SLC12A8: variants seen among roughly 807,000 people sequenced by gnomAD.
SLC12A8 encodes solute carrier family 12 member 8.
A neutral mutation model predicts 75.6 loss-of-function variants in SLC12A8; 69 were observed. That is an observed-to-expected ratio of 0.91 (90% CI 0.75 to 1.11). The LOEUF (loss-of-function observed/expected upper bound fraction) is 1.11, where lower values mean the gene tolerates loss of function less well. SLC12A8 is among the 50% of genes most tolerant of loss of function. The pLI, the probability that SLC12A8 is intolerant of heterozygous loss-of-function variation, is 0.00. For missense variants in SLC12A8, 877 were observed against 896.7 expected, an observed-to-expected ratio of 0.98 and a Z score of 0.28; for synonymous variants, 365 against 372.8, an observed-to-expected ratio of 0.98 and a Z score of 0.24.
rs959830350 is a variant in SLC12A8 at position 125,097,912 on chromosome 3, C to T, written c.1706-5714G>A. ...GTAACTTTACTTTATCAAGCCTCTA[C>T]TCATAAAACAAACAAGCATGCATCG... On this transcript the variant is annotated intron_variant, in intron 10 of 13. Transcript: ENST00000469902. 3.3e-5 allele frequency among the ~76,000 whole-genome samples: 5 copies of T among 152,072 alleles called. No individual in the cohort carries two copies. In the South Asian group the frequency reaches 1.0e-3, roughly 32 times the overall value.
intron 10 of SLC12A8, among the ~76,000 whole-genome samples, chr3:125,095,260 A>G (rs1938686072): frequency 6.6e-6 from 1 of 152,214 alleles, no homozygotes; most frequent in Non-Finnish European, 1.5e-5. Flanking sequence ...TAACATGACT[A>G]ACACAGAAAT....
intron 9 of SLC12A8, among the ~76,000 whole-genome samples, 159 bp from the exon 10 acceptor site, chr3:125,108,285 T>C (rs977429187): frequency 2.0e-5 from 3 of 152,180 alleles, no homozygotes; most frequent in Admixed American, 6.5e-5. Flanking sequence ...ATCCTACTCA[T>C]GGGATTAGTT....
In SLC12A8 at chr3:125,083,368, G is replaced by A. The variant is rs74488626; in HGVS notation, c.*522C>T. The A allele has an allele frequency of 0.012, 1,891 of 158,246 alleles. 42 individuals are homozygous for A. The highest frequency in any genetic ancestry group is 0.04 in the African/African-American group (1,675 of 41,540). 9.8% of individuals were successfully genotyped at this position (158,246 alleles called of 1,614,324 possible). A position where few individuals can be genotyped will look rare whatever the true frequency, so the allele number is the denominator to read the frequency against. On this transcript the variant is annotated 3_prime_UTR_variant, in exon 14 of 14. Coordinates refer to ENST00000469902, the MANE Select transcript of SLC12A8 (RefSeq NM_024628.6). ...TTCCTGATGTCACCCTGGGTGAGAC[G>A]TGGTCCTCAGAATCCAGATTTCCTT...
At chr3:125,211,263 G>A in intron 2 of SLC12A8, 36 bp downstream of exon 2, 1 of 1,587,114 alleles carries the variant, frequency 6.3e-7, no homozygotes, top group Non-Finnish European at 8.6e-7. Context: ...GTGCTCACAG[G>A]CCTCCATCAC....
rs144854343 is a variant in SLC12A8, at chr3:125,203,737, T to A, written c.51+7562A>T. ...GGCAACAGAAACAAAAATAGACAAA[T>A]GGGGTCATATTGATCTAAAAAGTTT... On this transcript the variant is annotated intron_variant, in intron 2 of 13. Transcript: ENST00000469902. 9.9e-5 allele frequency among the ~76,000 whole-genome samples: 15 copies of A among 152,246 alleles called. 1 individual carries two copies. The South Asian group carries it at 1.7e-3, about 17-fold the overall frequency.
At position 125,096,834 on chromosome 3, in the gene SLC12A8, G is replaced by T. The variant is rs573790744; in HGVS notation, c.1706-4636C>A. 7.1e-4 allele frequency among the ~76,000 whole-genome samples: 83 copies of T among 117,616 alleles called. 1 individual carries two copies. The South Asian group carries it at 0.03, about 43-fold the overall frequency. The allele number at this position is 117,616 out of a possible 152,430, so 77.2% of individuals were successfully genotyped here. A position where few individuals can be genotyped will look rare whatever the true frequency, so the allele number is the denominator to read the frequency against. ...TAGTTTTAACAATTTAATTAAATTGGTTATTTGTTTAGTTTTGTACTTATC... is the reference window on the plus strand; with the variant it reads ...TAGTTTTAACAATTTAATTAAATTGTTTATTTGTTTAGTTTTGTACTTATC... On this transcript the variant is annotated intron_variant, in intron 10 of 13. Coordinates refer to ENST00000469902, the MANE Select transcript of SLC12A8 (RefSeq NM_024628.6).
At chr3:125,194,984 G>A (rs1334846801) in intron 2 of SLC12A8, among the ~76,000 whole-genome samples, 4 of 152,226 alleles carry the variant, frequency 2.6e-5, no homozygotes, top group Non-Finnish European at 4.4e-5. Flanking sequence ...TGGGCCGGGC[G>A]CCAGCATGGC....
chr3:125,108,541 G>A (rs1021296159), intron 9 of SLC12A8, among the ~76,000 whole-genome samples: 1 of 151,902 alleles, frequency 6.6e-6, no homozygotes, highest in Non-Finnish European at 1.5e-5. Context: ...GCTAATTTTT[G>A]TATTTCTTGT....
intron 8 of SLC12A8, among the ~76,000 whole-genome samples, chr3:125,117,466 CATGTCTGTAGT>C (rs1346283806): frequency 1.4e-5 from 2 of 148,042 alleles, no homozygotes; most frequent in African/African-American, 5.0e-5. Context: ...TGTGGTGGTG[CATGTCTGTAGT>C]CCTGGCTACT....
intron 5 of SLC12A8, among the ~76,000 whole-genome samples, chr3:125,173,969 G>A (rs146445980): frequency 6.9e-6 from 1 of 144,270 alleles, no homozygotes; most frequent in East Asian, 2.2e-4. Flanking sequence ...GTGCATGCCT[G>A]TAATCCCAGC....
At position 125,107,527 on chromosome 3, in the gene SLC12A8, C is replaced by T. The variant is rs1206955942; in HGVS notation, c.1659G>A (p.Glu553=). ...EGTQPEGTYG[E]QLVPELCNQS... ...GGTTGCACAGCTCAGGAACAAGTTG[C>T]TCTCCATATGTTCCCTCAGGCTGAG... Residue 553 remains glutamate (E), a synonymous_variant, in exon 10 of 14, where the codon GAG becomes GAA. Transcript: ENST00000469902. 6.2e-7 allele frequency: 1 copy of T among 1,613,710 alleles called. No homozygotes were observed. The highest frequency in any genetic ancestry group is 1.3e-5 in the African/African-American group (1 of 74,922).
intron 2 of SLC12A8, 136 bp downstream of exon 2, chr3:125,211,163 G>C (rs1051897821): frequency 6.6e-6 from 5 of 755,598 alleles, no homozygotes; most frequent in South Asian, 5.7e-5. Context: ...TTTTCTCATT[G>C]AACTGGATGA....
intron 6 of SLC12A8, among the ~76,000 whole-genome samples, chr3:125,122,065 A>G (rs1185746643): frequency 6.6e-6 from 1 of 152,256 alleles, no homozygotes; most frequent in Admixed American, 6.5e-5. Context: ...TATAGCTTTC[A>G]ATAAATACTA....
At chr3:125,108,215 CATA>C in intron 9 of SLC12A8, 89 bp from the exon 10 acceptor site, 4 of 1,288,040 alleles carry the variant, frequency 3.1e-6, no homozygotes, top group Non-Finnish European at 1.1e-6. Flanking sequence ...AAACACAACT[CATA>C]ATGACTCAGC....
rs138815018 is a variant in SLC12A8, at chr3:125,092,198, T to A, written c.1706A>T (p.Asp569Val). 9.5e-5 allele frequency: 153 copies of A among 1,610,520 alleles called. No homozygotes were observed. In the East Asian group the frequency reaches 3.0e-3, roughly 31 times the overall value. The change falls in exon 11 of 14, where the codon GAT becomes GTT. Residue 569 changes from aspartate (D) to valine (V), a missense_variant and splice_region_variant. Coordinates refer to ENST00000469902, the MANE Select transcript of SLC12A8 (RefSeq NM_024628.6). ...LCNQSESSGE[D>V]FFLKSRLQEQ... ...TTGGAGCCTGGACTTCAGGAAGAAA[T>A]CTAAAAAATAGCCAAAGATTTGGCT...
chr3:125,108,656 A>G (rs1317063350), intron 9 of SLC12A8, among the ~76,000 whole-genome samples: 4 of 152,252 alleles, frequency 2.6e-5, no homozygotes, highest in Admixed American at 1.3e-4. Context: ...GGCATGAGCC[A>G]CTGTGCCCAG....
intron 5 of SLC12A8, among the ~76,000 whole-genome samples, chr3:125,154,202 C>T (rs1933996953): frequency 6.6e-6 from 1 of 152,254 alleles, no homozygotes; most frequent in Admixed American, 6.5e-5. Context: ...CCTTTCACTT[C>T]ACTAGTCAGC....
At position 125,084,025 on chromosome 3, in the gene SLC12A8, G is replaced by T; in HGVS notation, c.2010C>A (p.Ile670=). 1 of 1,612,866 alleles carries T rather than the reference G, an allele frequency of 6.2e-7. No homozygotes were observed. Among genetic ancestry groups the T allele is most frequent in the Non-Finnish European group, 8.5e-7 (1 of 1,179,544 alleles). The stretch of plus-strand genomic sequence containing the variant: ...CCTTAGCCAGGGACGGCGCCAAGAT[G>T]ATCTGCTCCTGAGGGGACCGCAAGC... ...CRSLRSPQEQ[I]ILAPSLAKVD... The change falls in exon 14 of 14, where the codon ATC becomes ATA. Residue 670 remains isoleucine, a synonymous_variant. Transcript: ENST00000469902.
chr3:125,168,481 A>T (rs1934340092), intron 5 of SLC12A8, among the ~76,000 whole-genome samples: 1 of 152,176 alleles, frequency 6.6e-6, no homozygotes, highest in Admixed American at 6.6e-5. Flanking sequence ...GGGGAGAGCC[A>T]CTGGTGCAGC....
Sources: gnomAD v4.1 joint callset for allele counts (sites outside exome capture counted in the v4.1 genomes callset) on GRCh38, gnomAD v4.1.1 for gene constraint, MANE v1.5 for transcripts, NCBI Gene and HGNC (gene_info 2026-07-23, HGNC 2026-07-21) for gene names.